Variants in DOK6 observed in about 807,000 individuals in gnomAD.
The protein encoded by DOK6 is docking protein 6.
DOK6 carries 22 observed loss-of-function variants against 44.0 expected under a neutral mutation model. The ratio of observed to expected loss-of-function variants is 0.50; its 90% confidence interval spans 0.36 to 0.71. DOK6 has a LOEUF of 0.71. Ranked by LOEUF, DOK6 falls within the 30% of genes least tolerant of loss-of-function variation. The probability of loss-of-function intolerance (pLI) is 0.00; values close to 1 mark genes in which losing one functional copy is unlikely to be tolerated. For synonymous variants in DOK6, 166 were observed against 145.5 expected (o/e 1.14, Z -1.01); for missense variants, 340 against 416.4 (o/e 0.82, Z 1.60).
chr18:69,482,298 C>T, intron 1 of DOK6, among the ~76,000 whole-genome samples: 1 of 152,086 alleles, frequency 6.6e-6, no homozygotes, highest in Non-Finnish European at 1.5e-5. Context: ...AGTCCTTGCC[C>T]ATGCCTATGT....
intron 3 of DOK6, among the ~76,000 whole-genome samples, chr18:69,607,284 A>T (rs1720311642): frequency 6.6e-6 from 1 of 152,214 alleles, no homozygotes; most frequent in Admixed American, 6.5e-5. Context: ...ACTCATAAAG[A>T]AGGAATATGA....
intron 3 of DOK6, among the ~76,000 whole-genome samples, chr18:69,617,177 G>A (rs932771132): frequency 3.3e-5 from 5 of 152,118 alleles, no homozygotes; most frequent in Non-Finnish European, 5.9e-5. Context: ...GCCTTAGGCT[G>A]GGAGTGGTGG....
At chr18:69,435,330 A>G (rs1180229743) in intron 1 of DOK6, among the ~76,000 whole-genome samples, 1 of 152,178 alleles carries the variant, frequency 6.6e-6, no homozygotes, top group Non-Finnish European at 1.5e-5. Context: ...TATTTATCAA[A>G]TATTTATTTA....
At chr18:69,725,317 G>A (rs1179568592) in intron 5 of DOK6, among the ~76,000 whole-genome samples, 1 of 152,186 alleles carries the variant, frequency 6.6e-6, no homozygotes, top group East Asian at 1.9e-4. Flanking sequence ...TTTGTTGAAT[G>A]AGAACAAGCT....
Position 69,655,846 on chromosome 18 carries a change from A to G in DOK6, c.290-21888A>G, listed in dbSNP as rs148050441. ...CTTAATCTAAAATATGAAAAATAAA[A>G]TATGACATATGATAAAAATAAGATA... On this transcript the variant is annotated intron_variant, in intron 3 of 7. Coordinates refer to ENST00000382713, the MANE Select transcript of DOK6 (RefSeq NM_152721.6). Among the ~76,000 whole-genome samples the G allele has an allele frequency of 4.1e-3, 587 of 141,466 alleles. 3 individuals carry two copies. Among genetic ancestry groups the G allele is most frequent in the African/African-American group, 0.014 (565 of 40,750 alleles). 92.8% of individuals were successfully genotyped at this position (141,466 alleles called of 152,430 possible).
At chr18:69,550,777 C>CTTTTTTTTTTTTTTTT (rs10538639) in intron 1 of DOK6, among the ~76,000 whole-genome samples, 2 of 121,436 alleles carry the variant, frequency 1.6e-5, no homozygotes, top group Non-Finnish European at 3.4e-5. Context: ...TTGTTTCTTT[C>CTTTTTTTTTTTTTTTT]TTTTTTTTTT....
chr18:69,590,538 G>T (rs182616524), intron 2 of DOK6, among the ~76,000 whole-genome samples: 6,029 of 152,188 alleles, frequency 0.04, 204 homozygotes, highest in East Asian at 0.22. Flanking sequence ...CTTAGCTTGT[G>T]TTGAGAGTTG....
intron 1 of DOK6, among the ~76,000 whole-genome samples, chr18:69,492,802 T>C (rs1477426678): frequency 1.1e-5 from 1 of 89,070 alleles, no homozygotes; most frequent in Non-Finnish European, 3.0e-5. Flanking sequence ...AAATTTTCTT[T>C]ACCCAGTCCA....
At chr18:69,469,638 C>A in intron 1 of DOK6, 1 of 224,028 alleles carries the variant, frequency 4.5e-6, no homozygotes, top group Non-Finnish European at 9.3e-6. Flanking sequence ...TAGCCTACTT[C>A]CTGCCGGCTG....
At chr18:69,573,295 A>G (rs748171105) in intron 2 of DOK6, among the ~76,000 whole-genome samples, 6 of 151,942 alleles carry the variant, frequency 3.9e-5, no homozygotes, top group East Asian at 3.8e-4. Flanking sequence ...GAAGAGCCCA[A>G]TGAGAACAGG....
Position 69,545,033 on chromosome 18 carries a change from A to G in DOK6, c.67-19454A>G, listed in dbSNP as rs1982365880. On this transcript the variant is annotated intron_variant, in intron 1 of 7. Transcript: ENST00000382713. ...CTACTCAGGAGGCTGAGGCAGGAGA[A>G]TCACTTGAACCCGGGGGTGGAGGTT... Among the ~76,000 whole-genome samples the G allele has an allele frequency of 1.3e-5, 2 of 150,760 alleles. 1 individual carries two copies. Among genetic ancestry groups the G allele is most frequent in the African/African-American group, 4.8e-5 (2 of 41,242 alleles).
intron 4 of DOK6, among the ~76,000 whole-genome samples, chr18:69,688,771 C>A (rs189918567): frequency 1.0e-3 from 152 of 152,318 alleles, no homozygotes; most frequent in African/African-American, 3.6e-3. Context: ...ATCCACCCAC[C>A]TCAACCTCCC....
chr18:69,739,351 A>T (rs976440788), intron 6 of DOK6, among the ~76,000 whole-genome samples: 2 of 152,194 alleles, frequency 1.3e-5, no homozygotes, highest in African/African-American at 4.8e-5. Context: ...GTTGCCTTGG[A>T]TGTCAGAGAG....
At chr18:69,586,830 C>T (rs1402497611) in intron 2 of DOK6, among the ~76,000 whole-genome samples, 2 of 152,180 alleles carry the variant, frequency 1.3e-5, no homozygotes, top group Non-Finnish European at 2.9e-5. Context: ...GGAACTTCAC[C>T]TCCCACAGGC....
At chr18:69,403,640 C>T (rs569371053) in intron 1 of DOK6, among the ~76,000 whole-genome samples, 7 of 149,842 alleles carry the variant, frequency 4.7e-5, no homozygotes, top group Middle Eastern at 3.4e-3. Flanking sequence ...TTCACCTTGA[C>T]TATTTTGGGA....
In DOK6 at chr18:69,656,692, C is replaced by T. The variant is rs573662650; in HGVS notation, c.290-21042C>T. On this transcript the variant is annotated intron_variant, in intron 3 of 7. Coordinates refer to ENST00000382713, the MANE Select transcript of DOK6 (RefSeq NM_152721.6). The stretch of plus-strand genomic sequence containing the variant: ...AACAAAATATAAGTGTAATGTTGGA[C>T]ACTGATATGGTAAAAAAGAGGAAAT... Among the ~76,000 whole-genome samples the T allele has an allele frequency of 2.2e-4, 33 of 152,230 alleles. No individual in the cohort carries two copies. In the South Asian group the frequency reaches 6.4e-3, roughly 30 times the overall value.
Position 69,564,439 on chromosome 18 carries a change from A to C in DOK6, c.67-48A>C, listed in dbSNP as rs758672076. On this transcript the variant is annotated intron_variant, in intron 1 of 7. Transcript: ENST00000382713. ...TAATTGAATCAACTCCTAATGTCGTAAACTCATGTAAAAATATGGATAATG... is the reference window on the plus strand; with the variant it reads ...TAATTGAATCAACTCCTAATGTCGTCAACTCATGTAAAAATATGGATAATG... 7 of 1,546,580 alleles carry C rather than the reference A, an allele frequency of 4.5e-6. No individual in the cohort carries two copies. In the Admixed American group the frequency reaches 8.7e-5, roughly 19 times the overall value.
At chr18:69,545,516 CAA>C (rs397760145) in intron 1 of DOK6, among the ~76,000 whole-genome samples, 6 of 69,558 alleles carry the variant, frequency 8.6e-5, no homozygotes, top group Non-Finnish European at 1.4e-4. Context: ...AGTGAAATAC[CAA>C]AAAAAAAAAA....
chr18:69,550,397 C>T (rs1467456971), intron 1 of DOK6, among the ~76,000 whole-genome samples: 2 of 152,028 alleles, frequency 1.3e-5, no homozygotes, highest in East Asian at 3.9e-4. Context: ...TAAAACAAAA[C>T]AGAATAAAAA....
Sources: allele counts gnomAD v4.1 joint callset (sites outside exome capture counted in the v4.1 genomes callset), GRCh38; gene constraint gnomAD v4.1.1; transcripts MANE v1.5; gene names NCBI Gene and HGNC (gene_info 2026-07-23, HGNC 2026-07-21).